The following FHIT variants were observed in gnomAD, a reference collection of about 807,000 sequenced individuals.
FHIT encodes the protein bis(5'-adenosyl)-triphosphatase.
FHIT carries 19 observed loss-of-function variants against 17.9 expected under a neutral mutation model. The ratio of observed to expected loss-of-function variants is 1.06; its 90% confidence interval spans 0.74 to 1.56. The LOEUF is 1.56. Among genes scored for constraint, FHIT ranks in the 40% most tolerant of loss-of-function variants. The pLI, the probability that FHIT is intolerant of heterozygous loss-of-function variation, is 0.00. For missense variants in FHIT, 248 were observed against 189.2 expected (o/e 1.31, Z -1.82); for synonymous variants, 81 against 69.7 (o/e 1.16, Z -0.81).
Position 59,850,032 on chromosome 3 carries a change from A to C in FHIT, c.348+72314T>G, listed in dbSNP as rs192552033. On this transcript the variant is annotated intron_variant, in intron 8 of 9. Transcript: ENST00000492590. Reference sequence around the variant, plus strand: ...ATTTTAATTAGGTATATTTTTTCCAATGTGTTTTGAAATGATCTGCTAGGA... The same window carrying C: ...ATTTTAATTAGGTATATTTTTTCCACTGTGTTTTGAAATGATCTGCTAGGA... Among the ~76,000 whole-genome samples, 462 of 152,250 alleles carry C rather than the reference A, an allele frequency of 3.0e-3. 3 individuals carry two copies. Among genetic ancestry groups the C allele is most frequent in the Non-Finnish European group, 4.2e-3 (289 of 68,010 alleles).
chr3:60,942,254 G>C (rs1708444420), intron 3 of FHIT, among the ~76,000 whole-genome samples: 1 of 152,138 alleles, frequency 6.6e-6, no homozygotes, highest in Non-Finnish European at 1.5e-5. Context: ...ATAAAAATAT[G>C]TTAGCACCAG....
rs528150499 is a variant in FHIT at position 59,972,435 on chromosome 3, C to T, written c.279+38936G>A. Among the ~76,000 whole-genome samples the T allele has an allele frequency of 1.2e-4, 18 of 152,168 alleles. 1 individual carries two copies. In the South Asian group the frequency reaches 1.9e-3, roughly 16 times the overall value. ...TGTTTGGCTGGGAAGGTATCCTTGG[C>T]GCTCACTGTAGTATCATACATTTCA... On this transcript the variant is annotated intron_variant, in intron 7 of 9. Coordinates refer to ENST00000492590, the MANE Select transcript of FHIT (RefSeq NM_002012.4).
chr3:59,971,256 A>G (rs1043192064), intron 7 of FHIT, among the ~76,000 whole-genome samples: 5 of 152,150 alleles, frequency 3.3e-5, no homozygotes, highest in African/African-American at 1.2e-4. Context: ...TACAGGGAAT[A>G]CGAAATCTTT....
rs80313037 is a variant in FHIT at position 60,184,272 on chromosome 3, T to C, written c.104-170120A>G. Among the ~76,000 whole-genome samples the C allele has an allele frequency of 3.9e-3, 597 of 152,286 alleles. 6 individuals carry two copies. The highest frequency in any genetic ancestry group is 0.024 in the East Asian group (123 of 5,188). On this transcript the variant is annotated intron_variant, in intron 5 of 9. Transcript: ENST00000492590. ...ACTATTAACAAAAGCCTCTATTTTATTGGGATTTCCTTAGTTTTCAATCTA... is the reference window on the plus strand; with the variant it reads ...ACTATTAACAAAAGCCTCTATTTTACTGGGATTTCCTTAGTTTTCAATCTA...
chr3:60,720,365 A>G (rs2041782064), intron 4 of FHIT, among the ~76,000 whole-genome samples: 1 of 152,152 alleles, frequency 6.6e-6, no homozygotes, highest in South Asian at 2.1e-4. Context: ...CCTGTGCCCC[A>G]TAAATATTTG....
intron 8 of FHIT, among the ~76,000 whole-genome samples, chr3:59,872,348 G>T (rs1702961829): frequency 6.6e-6 from 1 of 152,176 alleles, no homozygotes; most frequent in African/African-American, 2.4e-5. Flanking sequence ...CATGAGGAGG[G>T]CGATGAGGCT....
chr3:59,971,139 G>A (rs1025239012), intron 7 of FHIT, among the ~76,000 whole-genome samples: 5 of 152,026 alleles, frequency 3.3e-5, no homozygotes, highest in African/African-American at 1.2e-4. Flanking sequence ...GATTCTCTCA[G>A]AATGATTCTG....
intron 2 of FHIT, among the ~76,000 whole-genome samples, chr3:61,093,493 A>C (rs772276267): frequency 1.6e-4 from 24 of 152,228 alleles, no homozygotes; most frequent in Non-Finnish European, 2.9e-4. Context: ...CAAAATGCCA[A>C]TAATGCCAAG....
chr3:60,000,214 C>T (rs1379173658), intron 7 of FHIT, among the ~76,000 whole-genome samples: 1 of 152,134 alleles, frequency 6.6e-6, no homozygotes, highest in Non-Finnish European at 1.5e-5. Context: ...CAAGGGAATC[C>T]TACACTCTAA....
intron 4 of FHIT, among the ~76,000 whole-genome samples, chr3:60,649,118 C>G (rs1013011707): frequency 6.6e-6 from 1 of 152,156 alleles, no homozygotes; most frequent in Non-Finnish European, 1.5e-5. Flanking sequence ...TTCATTGCGG[C>G]CGGGCGCGGT....
chr3:60,494,117 T>C (rs1395485995), intron 5 of FHIT, among the ~76,000 whole-genome samples: 2 of 152,192 alleles, frequency 1.3e-5, no homozygotes, highest in African/African-American at 4.8e-5. Flanking sequence ...ATTTTGTACA[T>C]TCACAATGTC....
chr3:59,852,508 T>G (rs1228895642), intron 8 of FHIT, among the ~76,000 whole-genome samples: 1 of 152,176 alleles, frequency 6.6e-6, no homozygotes, highest in East Asian at 1.9e-4. Context: ...TGTTACAATT[T>G]GTGAACCTAC....
At chr3:60,250,464 C>T (rs1705642102) in intron 5 of FHIT, among the ~76,000 whole-genome samples, 1 of 152,150 alleles carries the variant, frequency 6.6e-6, no homozygotes, top group Admixed American at 6.5e-5. Flanking sequence ...AAGTACAAAA[C>T]ATCTGTTGAA....
At chr3:60,508,888 T>C (rs779725014) in intron 5 of FHIT, among the ~76,000 whole-genome samples, 1 of 151,916 alleles carries the variant, frequency 6.6e-6, no homozygotes. Context: ...TATTTGGTTT[T>C]AAAAAAAACT....
intron 5 of FHIT, among the ~76,000 whole-genome samples, chr3:60,068,422 A>C (rs77498628): frequency 0.013 from 1,954 of 152,294 alleles, 28 homozygotes; most frequent in Non-Finnish European, 0.019. Flanking sequence ...GAGAACAAGA[A>C]AAGAGTAAAA....
At chr3:59,837,048 GA>G (rs559593738) in intron 8 of FHIT, among the ~76,000 whole-genome samples, 13 of 151,922 alleles carry the variant, frequency 8.6e-5, no homozygotes, top group East Asian at 3.9e-4. Flanking sequence ...TTTTCTGTGA[GA>G]AAAAAAAGAG....
rs553453401 is a variant in FHIT, at chr3:59,875,356, G to A, written c.348+46990C>T. Among the ~76,000 whole-genome samples, 5 of 152,330 alleles carry A rather than the reference G, an allele frequency of 3.3e-5. No homozygotes were observed. In the East Asian group the frequency reaches 9.7e-4, roughly 29 times the overall value. Reference sequence around the variant, plus strand: ...GTCTAGGTTTCCATCTCCCAGGGAAGACATTGCCCCAGCTTACCTCTTCAT... The same window carrying A: ...GTCTAGGTTTCCATCTCCCAGGGAAAACATTGCCCCAGCTTACCTCTTCAT... On this transcript the variant is annotated intron_variant, in intron 8 of 9. Transcript: ENST00000492590.
chr3:60,854,616 C>A (rs752266299), intron 3 of FHIT, among the ~76,000 whole-genome samples: 5 of 145,942 alleles, frequency 3.4e-5, no homozygotes, highest in Admixed American at 2.1e-4. Flanking sequence ...TTGTCATAGA[C>A]GGCTGCTGGA....
chr3:60,215,564 AAAAAT>A (rs140145289), intron 5 of FHIT, among the ~76,000 whole-genome samples: 2,187 of 152,292 alleles, frequency 0.014, 57 homozygotes, highest in African/African-American at 0.05. Flanking sequence ...CTCCATCTCA[AAAAAT>A]AAAATAAAAT....
Sources: gnomAD v4.1 joint callset for allele counts (sites outside exome capture counted in the v4.1 genomes callset) on GRCh38, gnomAD v4.1.1 for gene constraint, MANE v1.5 for transcripts, NCBI Gene and HGNC (gene_info 2026-07-23, HGNC 2026-07-21) for gene names.